The following GABRG2 variants were observed in gnomAD, a reference collection of about 807,000 sequenced individuals.
GABRG2 encodes the protein gamma-aminobutyric acid receptor subunit gamma-2.
Under a neutral mutation model 56.4 loss-of-function variants are expected in GABRG2, and 16 were observed. That is an observed-to-expected ratio of 0.28 (90% CI 0.19 to 0.43). GABRG2 has a LOEUF of 0.43. Ranked by LOEUF, GABRG2 falls within the 20% of genes least tolerant of loss-of-function variation. The pLI is 1.00. For synonymous variants in GABRG2, 208 were observed against 205.5 expected (o/e 1.01, Z -0.10); for missense variants, 327 against 582.7 (o/e 0.56, Z 4.52).
intron 9 of GABRG2, chr5:162,152,441 G>C (rs1346112269): frequency 2.1e-6 from 1 of 480,654 alleles, no homozygotes; most frequent in Non-Finnish European, 4.1e-6. Context: ...CAGGAAATTT[G>C]ACAAGTAGTA....
chr5:162,125,745 C>T (rs1264789641), intron 6 of GABRG2, among the ~76,000 whole-genome samples: 2 of 151,452 alleles, frequency 1.3e-5, no homozygotes, highest in African/African-American at 4.8e-5. Context: ...GTTGTAATGA[C>T]CAACCAAAAA....
intron 4 of GABRG2, chr5:162,098,409 CTCTGAAATTAAAT>C (rs1435725699): frequency 1.3e-5 from 2 of 152,562 alleles, no homozygotes; most frequent in African/African-American, 4.8e-5. Flanking sequence ...ATGGTTCAGC[CTCTGAAATTAAAT>C]TCTGAAATTA....
intron 6 of GABRG2, among the ~76,000 whole-genome samples, chr5:162,125,434 G>C (rs1237349849): frequency 7.0e-6 from 1 of 143,308 alleles, no homozygotes; most frequent in Non-Finnish European, 1.5e-5. Flanking sequence ...TTCCCACCAA[G>C]ATTTTGGATT....
intron 1 of GABRG2, among the ~76,000 whole-genome samples, chr5:162,075,487 T>A (rs1016209842): frequency 6.6e-6 from 1 of 151,916 alleles, no homozygotes; most frequent in South Asian, 2.1e-4. Flanking sequence ...GAAAAAAAAA[T>A]GTTATTTATT....
chr5:162,114,438 G>A (rs1762470538), intron 6 of GABRG2, among the ~76,000 whole-genome samples: 1 of 152,120 alleles, frequency 6.6e-6, no homozygotes, highest in South Asian at 2.1e-4. Flanking sequence ...ATGGGAGGCT[G>A]AGGCAGGAGA....
intron 6 of GABRG2, among the ~76,000 whole-genome samples, chr5:162,112,271 T>A (rs912660830): frequency 1.4e-5 from 2 of 147,114 alleles, no homozygotes; most frequent in East Asian, 2.0e-4. Context: ...TTTTTTTTTT[T>A]AATCCAAGTT....
Position 162,109,420 on chromosome 5 carries a change from A to ATATATT in GABRG2, c.769+5397_769+5398insATTTAT, listed in dbSNP as rs1424412323. Among the ~76,000 whole-genome samples, 528 of 116,018 alleles carry ATATATT rather than the reference A, an allele frequency of 4.6e-3. 4 individuals carry two copies. Among genetic ancestry groups the ATATATT allele is most frequent in the African/African-American group, 0.016 (506 of 30,778 alleles). The allele number at this position is 116,018 out of a possible 152,430, so 76.1% of individuals were successfully genotyped here. ...TATATATATATATATATATATATAT[A>ATATATT]TATTTATTTATATAAAATGAAAACA... On this transcript the variant is annotated intron_variant, in intron 6 of 9. Coordinates refer to ENST00000639213, the MANE Select transcript of GABRG2 (RefSeq NM_198904.4).
At chr5:162,070,049 A>T (rs1282231823) in intron 1 of GABRG2, among the ~76,000 whole-genome samples, 3 of 152,164 alleles carry the variant, frequency 2.0e-5, no homozygotes, top group Non-Finnish European at 4.4e-5. Context: ...AAACATGTTT[A>T]ACTTTACTAT....
intron 1 of GABRG2, among the ~76,000 whole-genome samples, chr5:162,070,178 A>T (rs992782598): frequency 1.3e-5 from 2 of 152,124 alleles, no homozygotes; most frequent in African/African-American, 4.8e-5. Context: ...TTTGTACCAG[A>T]CTATCTTAGA....
At chr5:162,075,189 T>C (rs2113142354) in intron 1 of GABRG2, among the ~76,000 whole-genome samples, 1 of 152,330 alleles carries the variant, frequency 6.6e-6, no homozygotes, top group African/African-American at 2.4e-5. Context: ...CTATATTAAA[T>C]GAGAATATGA....
chr5:162,153,468 G>T lies in GABRG2; in HGVS notation c.*100G>T. 7.3e-7 allele frequency: 1 copy of T among 1,363,412 alleles called. No homozygotes were observed. 84.5% of individuals were successfully genotyped at this position (1,363,412 alleles called of 1,614,324 possible). A position where few individuals can be genotyped will look rare whatever the true frequency, so the allele number is the denominator to read the frequency against. On this transcript the variant is annotated 3_prime_UTR_variant, in exon 10 of 10. Coordinates refer to ENST00000639213, the MANE Select transcript of GABRG2 (RefSeq NM_198904.4). ...AATAATCCTCTATGTGGTTGATAAT[G>T]ATCTGAATCTGTTTCTATGTCCAAA...
At chr5:162,102,573 G>A (rs568361993) in intron 5 of GABRG2, 5 of 454,186 alleles carry the variant, frequency 1.1e-5, no homozygotes, top group South Asian at 3.1e-5. Context: ...CTATTGCCCA[G>A]GCTGGAATGT....
intron 7 of GABRG2, among the ~76,000 whole-genome samples, chr5:162,144,545 A>G (rs1171504081): frequency 6.6e-6 from 1 of 152,194 alleles, no homozygotes; most frequent in Non-Finnish European, 1.5e-5. Context: ...AATGCTCAAT[A>G]TGGTCTCTAT....
chr5:162,140,107 G>T (rs1764446514), intron 6 of GABRG2, among the ~76,000 whole-genome samples: 1 of 152,132 alleles, frequency 6.6e-6, no homozygotes, highest in Non-Finnish European at 1.5e-5. Flanking sequence ...ACACAGAGAA[G>T]CATATGCTGT....
intron 1 of GABRG2, among the ~76,000 whole-genome samples, chr5:162,078,369 CTATATA>C (rs774147866): frequency 0.025 from 1,343 of 53,842 alleles, 76 homozygotes; most frequent in Middle Eastern, 0.048. Context: ...GAGCATCTTA[CTATATA>C]TATATATATA....
intron 4 of GABRG2, among the ~76,000 whole-genome samples, chr5:162,100,906 C>T (rs1761366753): frequency 6.6e-6 from 1 of 152,150 alleles, no homozygotes. Context: ...ACAGTTGGCT[C>T]TGTTAAATAT....
At chr5:162,071,858 T>C (rs894953207) in intron 1 of GABRG2, among the ~76,000 whole-genome samples, 2 of 151,836 alleles carry the variant, frequency 1.3e-5, no homozygotes, top group African/African-American at 4.8e-5. Context: ...GGGTAGACTA[T>C]TTGAATGGTA....
rs569257937 is a variant in GABRG2, at chr5:162,125,832, G to C, written c.770-16332G>C. Reference sequence around the variant, plus strand: ...TAAGGTCATAGAATCAATAGACAAAGGTCTCCATAAAGTAAAAAGATTTGG... The same window carrying C: ...TAAGGTCATAGAATCAATAGACAAACGTCTCCATAAAGTAAAAAGATTTGG... On this transcript the variant is annotated intron_variant, in intron 6 of 9. Transcript: ENST00000639213. 2.0e-5 allele frequency among the ~76,000 whole-genome samples: 3 copies of C among 151,884 alleles called. No homozygotes were observed. The South Asian group carries it at 6.2e-4, about 32-fold the overall frequency.
At chr5:162,079,789 C>G (rs1759499934) in intron 1 of GABRG2, among the ~76,000 whole-genome samples, 1 of 151,706 alleles carries the variant, frequency 6.6e-6, no homozygotes, top group African/African-American at 2.4e-5. Flanking sequence ...ATTTTATTTA[C>G]TTATTTTTAT....
Sources: allele counts gnomAD v4.1 joint callset (sites outside exome capture counted in the v4.1 genomes callset), GRCh38; gene constraint gnomAD v4.1.1; transcripts MANE v1.5; gene names NCBI Gene and HGNC (gene_info 2026-07-23, HGNC 2026-07-21).